Variants in ETFA observed in about 807,000 individuals in gnomAD.
ETFA encodes electron transfer flavoprotein subunit alpha, mitochondrial.
In ETFA, 22 loss-of-function variants were observed where a neutral mutation model predicts 46.2. The ratio of observed to expected loss-of-function variants is 0.48; its 90% CI spans 0.34 to 0.68. ETFA has a LOEUF of 0.68. Ranked by LOEUF, ETFA falls within the 30% of genes least tolerant of loss-of-function variation. The pLI, the probability that ETFA is intolerant of heterozygous loss-of-function variation, is 0.01. For missense variants in ETFA, 345 were observed against 401.1 expected, an observed-to-expected ratio of 0.86 and a Z score of 1.19; for synonymous variants, 131 against 139.9, an observed-to-expected ratio of 0.94 and a Z score of 0.45.
In ETFA at chr15:76,311,449, C is replaced by T. The variant is rs888274773; in HGVS notation, c.-61G>A. 3 of 1,535,036 alleles carry T rather than the reference C, an allele frequency of 2.0e-6. No individual in the cohort carries two copies. In the South Asian group the frequency reaches 3.6e-5, roughly 18 times the overall value. On this transcript the variant is annotated 5_prime_UTR_variant, in exon 1 of 12. Transcript: ENST00000557943. ...AGCCCCGTGCCCGGCCAACTGGCGCCGCCTCAGCCAGTCACCTAATGCTCG... is the reference window on the plus strand; with the variant it reads ...AGCCCCGTGCCCGGCCAACTGGCGCTGCCTCAGCCAGTCACCTAATGCTCG...
At chr15:76,265,634 T>G (rs1247147486) in intron 9 of ETFA, among the ~76,000 whole-genome samples, 3 of 152,148 alleles carry the variant, frequency 2.0e-5, no homozygotes, top group African/African-American at 4.8e-5. Context: ...AGTCCCTTGA[T>G]TTTACCATGT....
intron 1 of ETFA, among the ~76,000 whole-genome samples, chr15:76,308,745 T>C (rs2039960648): frequency 6.6e-6 from 1 of 152,200 alleles, no homozygotes; most frequent in South Asian, 2.1e-4. Context: ...AAATTGAACA[T>C]CCATAGATTA....
rs553364770 is a variant in ETFA at position 76,303,702 on chromosome 15, C to T, written c.39+7648G>A. ...GCCAACAAGCATATAAAAAAATGCT[C>T]AACATTAACTAATCATTAGAGAAAT... On this transcript the variant is annotated intron_variant, in intron 1 of 11. Coordinates refer to ENST00000557943, the MANE Select transcript of ETFA (RefSeq NM_000126.4). 1.1e-4 allele frequency among the ~76,000 whole-genome samples: 17 copies of T among 152,220 alleles called. 1 individual carries two copies. The highest frequency in any genetic ancestry group is 4.1e-4 in the African/African-American group (17 of 41,540).
At chr15:76,259,254 G>T (rs1311672972) in intron 9 of ETFA, 1 of 1,561,380 alleles carries the variant, frequency 6.4e-7, no homozygotes, top group Non-Finnish European at 8.8e-7. Context: ...GATGTATAAG[G>T]GGTCCTGGCT....
At chr15:76,298,933 C>A (rs2460159) in intron 1 of ETFA, among the ~76,000 whole-genome samples, 2 of 152,214 alleles carry the variant, frequency 1.3e-5, no homozygotes. Flanking sequence ...TTATTGAAAA[C>A]GTTTTAAAGG....
chr15:76,262,474 C>CTTTTTTTTTTTTTTT, intron 9 of ETFA, among the ~76,000 whole-genome samples: 1 of 84,688 alleles, frequency 1.2e-5, no homozygotes, highest in Non-Finnish European at 2.2e-5. Context: ...ATCAAACCCC[C>CTTTTTTTTTTTTTTT]TTTTTTTTTT....
chr15:76,242,170 T>C (rs958142488), intron 9 of ETFA, among the ~76,000 whole-genome samples: 3 of 152,202 alleles, frequency 2.0e-5, no homozygotes, highest in African/African-American at 7.2e-5. Flanking sequence ...AGTTCTTTAA[T>C]TGATCCAAGT....
At position 76,282,719 on chromosome 15, in the gene ETFA, TTA is replaced by T. The variant is rs549915471; in HGVS notation, c.733+1036_733+1037del. ...AAAGTTACAGGAAAACCCTCGAAAGTTATATGTTAAAGTCTTAAAAGGAGGGT... is the reference window on the plus strand; with the variant it reads ...AAAGTTACAGGAAAACCCTCGAAAGTTATGTTAAAGTCTTAAAAGGAGGGT... On this transcript the variant is annotated intron_variant, in intron 8 of 11. Coordinates refer to ENST00000557943, the MANE Select transcript of ETFA (RefSeq NM_000126.4). Among the ~76,000 whole-genome samples the T allele has an allele frequency of 5.6e-4, 86 of 152,286 alleles. 4 individuals carry two copies. In the South Asian group the frequency reaches 0.017, roughly 30 times the overall value.
At chr15:76,305,825 C>CACATTT (rs2039933384) in intron 1 of ETFA, among the ~76,000 whole-genome samples, 1 of 151,698 alleles carries the variant, frequency 6.6e-6, no homozygotes, top group Non-Finnish European at 1.5e-5. Flanking sequence ...GTCCAATGAA[C>CACATTT]ACATTTTGGT....
chr15:76,311,205 T>C (rs1447085024), intron 1 of ETFA, 145 bp downstream of exon 1: 6 of 960,522 alleles, frequency 6.2e-6, no homozygotes, highest in Admixed American at 2.2e-5. Context: ...CCCCAGAACT[T>C]TGGACCCAAG....
chr15:76,222,553 G>A (rs562990071), intron 11 of ETFA, among the ~76,000 whole-genome samples: 2 of 152,204 alleles, frequency 1.3e-5, no homozygotes, highest in Admixed American at 6.5e-5. Flanking sequence ...GTCTGTCAAA[G>A]GTGCGATTTT....
chr15:76,231,764 T>G (rs1428398657), intron 9 of ETFA, among the ~76,000 whole-genome samples: 1 of 152,182 alleles, frequency 6.6e-6, no homozygotes, highest in Non-Finnish European at 1.5e-5. Flanking sequence ...AACCCATACA[T>G]GCTGTACATA....
intron 9 of ETFA, among the ~76,000 whole-genome samples, chr15:76,254,527 G>A (rs1015281432): frequency 5.3e-5 from 8 of 152,104 alleles, no homozygotes; most frequent in African/African-American, 7.2e-5. Flanking sequence ...TAGACAACCA[G>A]CAATTCTCAA....
At chr15:76,251,642 A>C (rs1235568313) in intron 9 of ETFA, among the ~76,000 whole-genome samples, 1 of 152,172 alleles carries the variant, frequency 6.6e-6, no homozygotes, top group Non-Finnish European at 1.5e-5. Context: ...AAAATGAGAA[A>C]GGGCGAGAGC....
At chr15:76,285,380 A>T (rs1235260921) in intron 7 of ETFA, among the ~76,000 whole-genome samples, 2 of 152,220 alleles carry the variant, frequency 1.3e-5, no homozygotes, top group African/African-American at 4.8e-5. Context: ...AGATGGCACC[A>T]AGTGGCAAAG....
chr15:76,289,748 C>T (rs185129746), intron 4 of ETFA, among the ~76,000 whole-genome samples: 1 of 152,186 alleles, frequency 6.6e-6, no homozygotes, highest in African/African-American at 2.4e-5. Flanking sequence ...GACTATCATA[C>T]AGCAAATTGT....
At chr15:76,246,728 G>A (rs2039246522) in intron 9 of ETFA, among the ~76,000 whole-genome samples, 1 of 151,992 alleles carries the variant, frequency 6.6e-6, no homozygotes, top group Non-Finnish European at 1.5e-5. Context: ...AGCTACTCGG[G>A]AGGCTGAGGC....
chr15:76,246,485 A>C (rs2039243868), intron 9 of ETFA, among the ~76,000 whole-genome samples: 1 of 152,210 alleles, frequency 6.6e-6, no homozygotes, highest in African/African-American at 2.4e-5. Flanking sequence ...ATGAAGGACA[A>C]GGATGTTTAT....
intron 9 of ETFA, among the ~76,000 whole-genome samples, chr15:76,237,825 A>G (rs1443690317): frequency 6.6e-6 from 1 of 152,218 alleles, no homozygotes; most frequent in East Asian, 1.9e-4. Context: ...TATAGTCAAG[A>G]AAGTTGTTAC....
Sources: gnomAD v4.1 joint callset for allele counts (sites outside exome capture counted in the v4.1 genomes callset) on GRCh38, gnomAD v4.1.1 for gene constraint, MANE v1.5 for transcripts, NCBI Gene and HGNC (gene_info 2026-07-23, HGNC 2026-07-21) for gene names.